Variants in NEK6 observed in about 807,000 individuals in gnomAD.
NEK6 encodes the protein NIMA related kinase 6.
A neutral mutation model predicts 43.5 loss-of-function variants in NEK6; 27 were observed. The observed-to-expected ratio is 0.62, with a 90% CI of 0.46 to 0.86. NEK6 has a LOEUF of 0.86. NEK6 is among the 40% of genes least tolerant of loss of function. NEK6 has a pLI of 0.00. For synonymous variants in NEK6, 167 were observed against 164.1 expected (o/e 1.02, Z -0.14); for missense variants, 318 against 414.4 (o/e 0.77, Z 2.02).
chr9:124,257,808 G>C, upstream of NEK6: 2 of 1,375,368 alleles, frequency 1.5e-6, no homozygotes, highest in African/African-American at 3.0e-5. Context: ...CGGCGGAGTC[G>C]AGGGGTCCAG....
intron 7 of NEK6, among the ~76,000 whole-genome samples, chr9:124,334,169 C>T (rs1328395146): frequency 1.3e-5 from 2 of 152,214 alleles, no homozygotes; most frequent in African/African-American, 4.8e-5. Flanking sequence ...GGGCCCACTC[C>T]TGCAAGGTCC....
chr9:124,346,950 G>A (rs577145362), intron 8 of NEK6, among the ~76,000 whole-genome samples: 1 of 152,358 alleles, frequency 6.6e-6, no homozygotes, highest in Admixed American at 6.5e-5. Context: ...CCTCGCCACA[G>A]GCCTGTGGGT....
chr9:124,267,413 G>C (rs778376722), intron 1 of NEK6, among the ~76,000 whole-genome samples: 1 of 152,218 alleles, frequency 6.6e-6, no homozygotes, highest in African/African-American at 2.4e-5. Flanking sequence ...CGGCGTGCCG[G>C]ACTGAGTCAG....
At chr9:124,273,482 G>C (rs10986296) in intron 1 of NEK6, among the ~76,000 whole-genome samples, 1 of 152,128 alleles carries the variant, frequency 6.6e-6, no homozygotes, top group Non-Finnish European at 1.5e-5. Flanking sequence ...GGGCAGTCAG[G>C]GCACGTGTGT....
chr9:124,292,328 A>G (rs1320769311), intron 1 of NEK6: 3 of 1,443,574 alleles, frequency 2.1e-6, no homozygotes, highest in Non-Finnish European at 2.7e-6. Flanking sequence ...GTGGCTGCTG[A>G]TGGCTGCTTT....
At chr9:124,349,031 G>T (rs1037023930) in intron 9 of NEK6, among the ~76,000 whole-genome samples, 1 of 152,260 alleles carries the variant, frequency 6.6e-6, no homozygotes, top group Admixed American at 6.5e-5. Flanking sequence ...CGGCCAAACT[G>T]CACAGGGCAG....
intron 2 of NEK6, among the ~76,000 whole-genome samples, chr9:124,310,565 G>A (rs916810293): frequency 6.6e-6 from 1 of 152,208 alleles, no homozygotes; most frequent in Non-Finnish European, 1.5e-5. Context: ...CCGCAGGAGG[G>A]TGTTCTGTAG....
intron 1 of NEK6, among the ~76,000 whole-genome samples, chr9:124,298,360 C>T (rs182926075): frequency 3.3e-5 from 5 of 152,256 alleles, no homozygotes; most frequent in South Asian, 2.1e-4. Flanking sequence ...TGGAGGCTAA[C>T]GGTGCCGCAG....
At chr9:124,327,525 G>T in intron 7 of NEK6, 80 bp downstream of exon 7, 1 of 1,108,374 alleles carries the variant, frequency 9.0e-7, no homozygotes. Flanking sequence ...TTCTCCCCAC[G>T]TGTGTTTGGT....
At chr9:124,297,581 C>G (rs926541503) in intron 1 of NEK6, among the ~76,000 whole-genome samples, 1 of 152,202 alleles carries the variant, frequency 6.6e-6, no homozygotes, top group Non-Finnish European at 1.5e-5. Context: ...CACTGTGCAG[C>G]TATCCACAGT....
intron 1 of NEK6, chr9:124,291,953 CAG>C (rs1832442272): frequency 1.0e-6 from 1 of 986,116 alleles, no homozygotes; most frequent in Non-Finnish European, 1.2e-6. Flanking sequence ...CATGCGGAGA[CAG>C]AGGCCCTTCT....
At position 124,327,465 on chromosome 9, in the gene NEK6, GC is replaced by G; in HGVS notation, c.622+24del. On this transcript the variant is annotated intron_variant, in intron 7 of 9. Transcript: ENST00000320246. ...CCCTAGGTAAGGGGGACCTGTCTGT[GC>G]CCCAGCAGCCCCCAGCGGTCCTGGT... is the stretch of plus-strand genomic sequence containing the variant. 6.4e-7 allele frequency: 1 copy of G among 1,572,388 alleles called. No individual in the cohort carries two copies. The highest frequency in any genetic ancestry group is 8.7e-7 in the Non-Finnish European group (1 of 1,145,070).
intron 2 of NEK6, among the ~76,000 whole-genome samples, chr9:124,305,142 G>A (rs186428290): frequency 1.4e-4 from 21 of 152,330 alleles, no homozygotes; most frequent in African/African-American, 4.6e-4. Context: ...ACTTCGCAGG[G>A]GATTGGGTCA....
chr9:124,307,401 C>A (rs1331465178), intron 2 of NEK6, among the ~76,000 whole-genome samples: 1 of 152,104 alleles, frequency 6.6e-6, no homozygotes, highest in Admixed American at 6.5e-5. Flanking sequence ...GGCTCGGGGA[C>A]CTTGGCCATC....
In NEK6 at chr9:124,316,428, C is replaced by T. The variant is rs559737331; in HGVS notation, c.294+2443C>T. ...GGCCTGGAGCTTGGGAGCAGAGCCC[C>T]TGATGGCAGAGATTCAAAGGACAGG... On this transcript the variant is annotated intron_variant, in intron 4 of 9. Transcript: ENST00000320246. 2.6e-5 allele frequency among the ~76,000 whole-genome samples: 4 copies of T among 152,374 alleles called. 1 individual carries two copies. Among genetic ancestry groups the T allele is most frequent in the Admixed American group, 2.6e-4 (4 of 15,312 alleles).
chr9:124,300,912 G>T (rs187193604), intron 1 of NEK6, among the ~76,000 whole-genome samples: 65 of 152,334 alleles, frequency 4.3e-4, no homozygotes, highest in Non-Finnish European at 8.4e-4. Flanking sequence ...CATGAGAGGT[G>T]CCCCTCGGGA....
rs1829764486 is a variant in NEK6 at position 124,343,562 on chromosome 9, A to G, written c.717+3897A>G. Among the ~76,000 whole-genome samples, 1 of 152,152 alleles carries G rather than the reference A, an allele frequency of 6.6e-6. No homozygotes were observed. Among genetic ancestry groups the G allele is most frequent in the African/African-American group, 2.4e-5 (1 of 41,432 alleles). ...CCACTCCTGCAGTCCCTAAAGGGGA[A>G]GGTGAAGCAGGCGTTTCCCCAGCAG... On this transcript the variant is annotated intron_variant, in intron 8 of 9. Coordinates refer to ENST00000320246, the MANE Select transcript of NEK6 (RefSeq NM_014397.6). This position sits in a 1 kb window ranked among gnomAD's most constrained non-coding sequence, Gnocchi z 5.1.
chr9:124,352,619 C>T lies in NEK6; in HGVS notation c.*1672C>T, dbSNP rs916808770. The T allele has an allele frequency of 6.6e-6, 1 of 152,178 alleles. No individual in the cohort carries two copies. Among genetic ancestry groups the T allele is most frequent in the Non-Finnish European group, 1.5e-5 (1 of 68,048 alleles). The allele number at this position is 152,178 out of a possible 1,614,324, so 9.4% of individuals were successfully genotyped here. A position where few individuals can be genotyped will look rare whatever the true frequency, so the allele number is the denominator to read the frequency against. On this transcript the variant is annotated 3_prime_UTR_variant, in exon 10 of 10. Coordinates refer to ENST00000320246, the MANE Select transcript of NEK6 (RefSeq NM_014397.6). The stretch of plus-strand genomic sequence containing the variant: ...TCATCATCAGCCGAGTTTCTGCCCT[C>T]ATGAGGTAATTCCATCGTTCTCCCC...
At chr9:124,279,610 C>G (rs1831807365) in intron 1 of NEK6, among the ~76,000 whole-genome samples, 1 of 152,170 alleles carries the variant, frequency 6.6e-6, no homozygotes. Flanking sequence ...CCCAGCCTTT[C>G]TCTTTCTGAC....
Sources: gnomAD v4.1 joint callset for allele counts (sites outside exome capture counted in the v4.1 genomes callset) on GRCh38, gnomAD v4.1.1 for gene constraint, Gnocchi (gnomAD v3.1) non-coding constraint, MANE v1.5 for transcripts, NCBI Gene and HGNC (gene_info 2026-07-23, HGNC 2026-07-21) for gene names.